The following TRPV2 variants were observed in gnomAD, a reference collection of about 807,000 sequenced individuals.
TRPV2 encodes the protein OTRPC2.
TRPV2 carries 58 observed loss-of-function variants against 91.0 expected under a neutral mutation model. That is an observed-to-expected ratio of 0.64 (90% CI 0.52 to 0.79). The LOEUF (loss-of-function observed/expected upper bound fraction) is 0.79. TRPV2 is among the 30% of genes least tolerant of loss of function. The pLI is 0.00. For missense variants in TRPV2, 807 were observed against 969.6 expected (o/e 0.83, Z 2.23); for synonymous variants, 417 against 414.8 (o/e 1.01, Z -0.06).
chr17:16,426,380 G>GGGGT lies in TRPV2; in HGVS notation c.1095+113_1095+116dup. On this transcript the variant is annotated intron_variant, in intron 6 of 14. Transcript: ENST00000338560. The surrounding 1 kb of genome is among the most constrained non-coding windows in gnomAD (Gnocchi z 6.0). Reference sequence around the variant, plus strand: ...TATCTGCCCCATTCCTGTGCCAGTGGGGGTGTGGCTGCATGTCCCAGCAGG... The same window carrying GGGGT: ...TATCTGCCCCATTCCTGTGCCAGTGGGGGTGGGTGTGGCTGCATGTCCCAGCAGG... 2.2e-6 allele frequency: 3 copies of GGGGT among 1,352,654 alleles called. No individual in the cohort carries two copies. Among genetic ancestry groups the GGGGT allele is most frequent in the Non-Finnish European group, 3.0e-6 (3 of 995,156 alleles). The allele number at this position is 1,352,654 out of a possible 1,614,324, so 83.8% of individuals were successfully genotyped here.
At chr17:16,427,307 T>C in intron 7 of TRPV2, 142 bp from the exon 8 acceptor site, 1 of 702,564 alleles carries the variant, frequency 1.4e-6, no homozygotes, top group Non-Finnish European at 2.4e-6. Context: ...CAGGGGTCCT[T>C]CCCTGGAGCC....
intron 9 of TRPV2, 60 bp from the exon 10 acceptor site, chr17:16,428,757 C>T: frequency 1.9e-6 from 3 of 1,603,366 alleles, no homozygotes; most frequent in East Asian, 4.5e-5. Context: ...CAGCATAGGC[C>T]AGTGGGGGCT....
intron 10 of TRPV2, among the ~76,000 whole-genome samples, chr17:16,429,412 T>G (rs2093399690): frequency 6.6e-6 from 1 of 152,074 alleles, no homozygotes; most frequent in African/African-American, 2.4e-5. Context: ...AAGTCCTTGC[T>G]CCCCTGAAGC....
Position 16,427,505 on chromosome 17 carries a change from C to A in TRPV2, c.1308C>A (p.His436Gln). The stretch of plus-strand genomic sequence containing the variant: ...GAAACTCCATGCTGCTGACGGGCCA[C>A]ATCCTTATCCTGCTAGGGGGGATCT... Reference protein sequence around the residue: ...EVGNSMLLTGHILILLGGIYL... With the variant: ...EVGNSMLLTGQILILLGGIYL... The change falls in exon 8 of 15, where the codon CAC becomes CAA. Residue 436 changes from histidine to glutamine, a missense_variant. Transcript: ENST00000338560. The A allele has an allele frequency of 6.2e-7, 1 of 1,613,900 alleles. No individual in the cohort carries two copies.
At chr17:16,417,249 A>G (rs2093335138) in intron 1 of TRPV2, among the ~76,000 whole-genome samples, 1 of 143,636 alleles carries the variant, frequency 7.0e-6, no homozygotes, top group South Asian at 2.1e-4. Context: ...AATGGCAAAA[A>G]CCGCAATTTT....
In TRPV2 at chr17:16,422,908, G is replaced by T. The variant is rs777624088; in HGVS notation, c.625+19G>T. ...TATTTCGGTGAGTGAGCCTTTCTTGGATAAATCGAGGCAAAGAGAGAGTAA... is the reference window on the plus strand; with the variant it reads ...TATTTCGGTGAGTGAGCCTTTCTTGTATAAATCGAGGCAAAGAGAGAGTAA... On this transcript the variant is annotated intron_variant, in intron 4 of 14. Coordinates refer to ENST00000338560, the MANE Select transcript of TRPV2 (RefSeq NM_016113.5). 6.4e-7 allele frequency: 1 copy of T among 1,550,816 alleles called. No individual in the cohort carries two copies. Among genetic ancestry groups the T allele is most frequent in the Non-Finnish European group, 8.7e-7 (1 of 1,146,930 alleles).
chr17:16,424,189 G>T (rs542619479), intron 5 of TRPV2, among the ~76,000 whole-genome samples: 67 of 131,026 alleles, frequency 5.1e-4, no homozygotes, highest in Non-Finnish European at 9.0e-4. Context: ...ACGGACCCTC[G>T]CTCTGTCACC....
At chr17:16,419,493 C>T (rs924662825) in intron 2 of TRPV2, 1 of 453,156 alleles carries the variant, frequency 2.2e-6, no homozygotes, top group Admixed American at 2.5e-5. Context: ...AGTTAAACAG[C>T]CCTGCTGAGA....
At chr17:16,421,486 T>C (rs1443460091) in intron 3 of TRPV2, among the ~76,000 whole-genome samples, 1 of 151,474 alleles carries the variant, frequency 6.6e-6, no homozygotes. Flanking sequence ...CCAAAAATGC[T>C]GGGATTACAG....
At chr17:16,436,681 G>C in intron 14 of TRPV2, 108 bp from the exon 15 acceptor site, 1 of 769,966 alleles carries the variant, frequency 1.3e-6, no homozygotes, top group South Asian at 1.5e-5. Context: ...CGCTGAGGCT[G>C]TCCCCACGGC....
In TRPV2 at chr17:16,436,839, G is replaced by A. The variant is rs2093435799; in HGVS notation, c.2245G>A (p.Gly749Ser). 2 of 1,614,002 alleles carry A rather than the reference G, an allele frequency of 1.2e-6. No individual in the cohort carries two copies. The highest frequency in any genetic ancestry group is 1.7e-6 in the Non-Finnish European group (2 of 1,179,994). ...TTCCCCTCCCAAGGAGGATGAGGAT[G>A]GTGCCTCTGAGGAAAACTATGTGCC... is the stretch of plus-strand genomic sequence containing the variant. The part of the protein sequence containing the change: ...LASPPKEDED[G>S]ASEENYVPVQ... Residue 749 changes from glycine to serine, a missense_variant, in exon 15 of 15, where the codon GGT (glycine) becomes AGT (serine). Physicochemically the swap from Gly to Ser is moderately conservative, Grantham distance 56. Coordinates refer to ENST00000338560, the MANE Select transcript of TRPV2 (RefSeq NM_016113.5).
In TRPV2 at chr17:16,419,521, T is replaced by C. The variant is rs139348583; in HGVS notation, c.201-594T>C. ...TGCTGAGATTCCCAGTTTGGCGCTG[T>C]GTGACTTTGGCAAGTTACATGACCT... On this transcript the variant is annotated intron_variant, in intron 2 of 14. Transcript: ENST00000338560. The C allele has an allele frequency of 1.1e-3, 445 of 420,554 alleles. 2 individuals carry two copies. The highest frequency in any genetic ancestry group is 8.9e-3 in the African/African-American group (423 of 47,702). 26.1% of individuals were successfully genotyped at this position (420,554 alleles called of 1,614,324 possible). A position where few individuals can be genotyped will look rare whatever the true frequency, so the allele number is the denominator to read the frequency against.
At position 16,436,897 on chromosome 17, in the gene TRPV2, G is replaced by A; in HGVS notation, c.*8G>A. 6.2e-7 allele frequency: 1 copy of A among 1,609,350 alleles called. No individual in the cohort carries two copies. Among genetic ancestry groups the A allele is most frequent in the Non-Finnish European group, 8.5e-7 (1 of 1,175,596 alleles). ...CTCCTCCAGTCCAACTGATGGCCCA[G>A]ATGCAGCAGGAGGCCAGAGGACAGA... On this transcript the variant is annotated 3_prime_UTR_variant, in exon 15 of 15. Coordinates refer to ENST00000338560, the MANE Select transcript of TRPV2 (RefSeq NM_016113.5).
intron 2 of TRPV2, among the ~76,000 whole-genome samples, chr17:16,419,902 T>G (rs998444137): frequency 5.9e-5 from 9 of 152,218 alleles, no homozygotes; most frequent in African/African-American, 2.2e-4. Flanking sequence ...ATGAAGCAGC[T>G]TAGTGCCTGG....
intron 10 of TRPV2, among the ~76,000 whole-genome samples, chr17:16,430,379 C>T (rs1364603697): frequency 6.6e-6 from 1 of 152,030 alleles, no homozygotes; most frequent in Non-Finnish European, 1.5e-5. Flanking sequence ...ATAGCTACAT[C>T]GTAGAAGTGG....
At chr17:16,428,787 C>T in intron 9 of TRPV2, 30 bp from the exon 10 acceptor site, 2 of 1,611,802 alleles carry the variant, frequency 1.2e-6, no homozygotes, top group Non-Finnish European at 1.7e-6. Flanking sequence ...AAGTGGCCCG[C>T]AAGCCCACCT....
At chr17:16,431,944 C>A in intron 11 of TRPV2, 22 bp from the exon 12 acceptor site, 2 of 1,610,170 alleles carry the variant, frequency 1.2e-6, no homozygotes, top group Non-Finnish European at 1.7e-6. Flanking sequence ...GGGCTAAGGA[C>A]CCCTCTCCCT....
rs750738911 is a variant in TRPV2, at chr17:16,420,238, G to C, written c.324G>C (p.Ser108=). The C allele has an allele frequency of 1.2e-6, 2 of 1,613,422 alleles. No homozygotes were observed. The highest frequency in any genetic ancestry group is 1.7e-6 in the Non-Finnish European group (2 of 1,179,556). ...AGACCAGCAAGTACCTCACCGACTC[G>C]GAATACACAGGTAGACCCTGCCCTG... ...LSKTSKYLTD[S]EYTEGSTGKT... Residue 108 remains serine (S), a synonymous_variant, in exon 3 of 15, where the codon TCG becomes TCC. Transcript: ENST00000338560.
chr17:16,419,414 GCT>G (rs1365752735), intron 2 of TRPV2: 1 of 470,958 alleles, frequency 2.1e-6, no homozygotes, highest in Non-Finnish European at 4.4e-6. Context: ...CCCAGGTAAT[GCT>G]CTGTTTCTGG....
Sources: allele counts gnomAD v4.1 joint callset (sites outside exome capture counted in the v4.1 genomes callset), GRCh38; gene constraint gnomAD v4.1.1; non-coding constraint Gnocchi (gnomAD v3.1); transcripts MANE v1.5; gene names NCBI Gene and HGNC (gene_info 2026-07-23, HGNC 2026-07-21).